The following H2BC12 variants were observed in gnomAD, a reference collection of about 807,000 sequenced individuals.
The protein encoded by H2BC12 is H2B clustered histone 12.
H2BC12 carries 6 observed loss-of-function variants against 6.3 expected under a neutral mutation model. That is an observed-to-expected ratio of 0.95 (90% CI 0.52 to 1.87). H2BC12 has a LOEUF of 1.87. Ranked by LOEUF, H2BC12 falls within the 40% of genes most tolerant of loss-of-function variation. The pLI, the probability that H2BC12 is intolerant of heterozygous loss-of-function variation, is 0.01. For synonymous variants in H2BC12, 132 were observed against 78.5 expected, an observed-to-expected ratio of 1.68 and a Z score of -3.60; for missense variants, 119 against 178.4, an observed-to-expected ratio of 0.67 and a Z score of 1.90.
the H2BC12 span, among the ~76,000 whole-genome samples, chr6:27,140,175 C>T: frequency 6.6e-6 from 1 of 152,106 alleles, no homozygotes; most frequent in Non-Finnish European, 1.5e-5. Context: ...ATATGTTTGC[C>T]TTTTAAATAC....
At chr6:27,144,221 G>T (rs1353001948), downstream of H2BC12, among the ~76,000 whole-genome samples, 2 of 152,120 alleles carry the variant, frequency 1.3e-5, no homozygotes, top group African/African-American at 4.8e-5. Flanking sequence ...TAGCACTTTA[G>T]GAGGCCGAGG....
chr6:27,145,725 T>TA (rs542566888), downstream of H2BC12, among the ~76,000 whole-genome samples: 209 of 152,312 alleles, frequency 1.4e-3, 8 homozygotes, highest in South Asian at 0.024. Context: ...GAACATGCCT[T>TA]AAAAACTAGT....
At chr6:27,143,330 C>T (rs6927247), downstream of H2BC12, among the ~76,000 whole-genome samples, 13,938 of 151,946 alleles carry the variant, frequency 0.092, 1,260 homozygotes, top group African/African-American at 0.23. Context: ...CCAGCCTTGG[C>T]GACAGAGTAA....
In H2BC12 at chr6:27,146,655, C is replaced by T. The variant is rs1562028854; in HGVS notation, c.144G>A (p.Gln48=). The T allele has an allele frequency of 2.5e-6, 4 of 1,614,266 alleles. No individual in the cohort carries two copies. The highest frequency in any genetic ancestry group is 1.1e-5 in the South Asian group (1 of 91,088). The change falls in exon 1 of 1, where the codon CAG becomes CAA. Residue 48 remains glutamine, a synonymous_variant. Transcript: ENST00000356950. The stretch of plus-strand genomic sequence containing the variant: ...AGGAGATGCCGGTGTCGGGGTGGAC[C>T]TGCTTCAGCACCTTGTACACGTATA... ...YSVYVYKVLK[Q]VHPDTGISSK...
Position 27,146,591 on chromosome 6 carries a change from T to C in H2BC12, c.208A>G (p.Ile70Val). 1.9e-6 allele frequency: 3 copies of C among 1,614,262 alleles called. No individual in the cohort carries two copies. The highest frequency in any genetic ancestry group is 2.5e-6 in the Non-Finnish European group (3 of 1,180,048). ...GCCTCACCCGCGATGCGTTCGAAGATGTCGTTGACGAAGGAGTTCATGATT... is the reference window on the plus strand; with the variant it reads ...GCCTCACCCGCGATGCGTTCGAAGACGTCGTTGACGAAGGAGTTCATGATT... ...MGIMNSFVND[I>V]FERIAGEASR... is the part of the protein sequence containing the mutation. Residue 70 changes from isoleucine to valine, a missense_variant, in exon 1 of 1, where the codon ATC (isoleucine) becomes GTC (valine). Ile to Val is a conservative substitution (Grantham distance 29). Transcript: ENST00000356950.
At position 27,146,801 on chromosome 6, in the gene H2BC12, T is replaced by C. The variant is rs1281253697; in HGVS notation, c.-3A>G. 4 of 1,613,712 alleles carry C rather than the reference T, an allele frequency of 2.5e-6. No homozygotes were observed. Among genetic ancestry groups the C allele is most frequent in the Non-Finnish European group, 2.5e-6 (3 of 1,179,808 alleles). On this transcript the variant is annotated 5_prime_UTR_variant, in exon 1 of 1. Transcript: ENST00000356950. ...GCGGACTTCGCTGGTTCCGGCATGT[T>C]GAAGGCGAACTACGAGCCTGAGACG...
rs760782971 is a variant in H2BC12, at chr6:27,146,463, C to A, written c.336G>T (p.Val112=). ...LLPGELAKHA[V]SEGTKAVTKY... is the part of the protein sequence containing the mutation. ...TGGTGACGGCCTTGGTGCCCTCGGACACGGCGTGCTTGGCCAACTCCCCGG... is the reference window on the plus strand; with the variant it reads ...TGGTGACGGCCTTGGTGCCCTCGGAAACGGCGTGCTTGGCCAACTCCCCGG... The change falls in exon 1 of 1, where the codon GTG becomes GTT. Residue 112 remains valine, a synonymous_variant. Coordinates refer to ENST00000356950, the MANE Select transcript of H2BC12 (RefSeq NM_001312653.2). 4 of 1,614,246 alleles carry A rather than the reference C, an allele frequency of 2.5e-6. No individual in the cohort carries two copies. The Admixed American group carries it at 6.7e-5, about 27-fold the overall frequency.
At position 27,146,500 on chromosome 6, in the gene H2BC12, C is replaced by A. The variant is rs1345458988; in HGVS notation, c.299G>T (p.Arg100Leu). The stretch of plus-strand genomic sequence containing the variant: ...GGCCAACTCCCCGGGCAGCAGCAGG[C>A]GCACGGCCGTCTGGATCTCCCTGGA... ...ITSREIQTAV[R>L]LLLPGELAKH... Residue 100 changes from arginine to leucine, a missense_variant, in exon 1 of 1, where the codon CGC becomes CTC. This residue lies in a region of H2BC12 where 69 missense variants were observed against 141.0 expected (regional missense o/e 0.49). Coordinates refer to ENST00000356950, the MANE Select transcript of H2BC12 (RefSeq NM_001312653.2). The A allele has an allele frequency of 1.2e-6, 2 of 1,614,112 alleles. No individual in the cohort carries two copies. The highest frequency in any genetic ancestry group is 8.5e-7 in the Non-Finnish European group (1 of 1,180,042).
the H2BC12 span, chr6:27,139,351 G>T: frequency 2.5e-6 from 4 of 1,613,862 alleles, no homozygotes; most frequent in African/African-American, 1.3e-5. Context: ...GGGGAAAGGG[G>T]GTGCCAAGCG....
At chr6:27,138,804 T>G in the H2BC12 span, 2 of 152,080 alleles carry the variant, frequency 1.3e-5, no homozygotes, top group African/African-American at 4.8e-5. Flanking sequence ...GGGGGATAAT[T>G]CTCCACCCCA....
At chr6:27,142,321 G>A (rs1262259310), downstream of H2BC12, among the ~76,000 whole-genome samples, 1 of 152,056 alleles carries the variant, frequency 6.6e-6, no homozygotes, top group Non-Finnish European at 1.5e-5. Context: ...CCCCCAGGCT[G>A]GAGTACAATG....
the H2BC12 span, chr6:27,139,564 G>A: frequency 6.2e-7 from 1 of 1,614,086 alleles, no homozygotes; most frequent in Non-Finnish European, 8.5e-7. Context: ...CACCGCCATG[G>A]ACGTGGTCTA....
the H2BC12 span, chr6:27,139,452 T>C: frequency 3.1e-6 from 5 of 1,614,102 alleles, no homozygotes; most frequent in Admixed American, 6.7e-5. Flanking sequence ...AGCGCATTTC[T>C]GGCCTCATCT....
In H2BC12 at chr6:27,146,834, G is replaced by A. The variant is rs900849435; in HGVS notation, c.-36C>T. 6.2e-6 allele frequency: 10 copies of A among 1,604,506 alleles called. No homozygotes were observed. The East Asian group carries it at 1.1e-4, about 18-fold the overall frequency. ...AACTACGAGCCTGAGACGAGCAGCA[G>A]ATCGAGAAAACGGGAAGTAATGGGA... On this transcript the variant is annotated 5_prime_UTR_variant, in exon 1 of 1. Transcript: ENST00000356950.
At chr6:27,142,626 T>TC (rs759580218), downstream of H2BC12, among the ~76,000 whole-genome samples, 758 of 135,070 alleles carry the variant, frequency 5.6e-3, 3 homozygotes, top group African/African-American at 0.02. Context: ...CGTATTACAT[T>TC]CCCCCCCTCC....
At chr6:27,139,913 C>T in the H2BC12 span, 1 of 419,562 alleles carries the variant, frequency 2.4e-6, no homozygotes, top group Non-Finnish European at 4.4e-6. Flanking sequence ...TTTAGAAAGC[C>T]AAGGGGTCTG....
chr6:27,141,693 C>A (rs1760008962), downstream of H2BC12, among the ~76,000 whole-genome samples: 1 of 152,112 alleles, frequency 6.6e-6, no homozygotes, highest in Non-Finnish European at 1.5e-5. Flanking sequence ...CTGAGAAAGT[C>A]GTTTTTATTT....
At chr6:27,138,542 T>G in the H2BC12 span, 1 of 152,248 alleles carries the variant, frequency 6.6e-6, no homozygotes, top group African/African-American at 2.4e-5. Context: ...CAGCTTTAGC[T>G]TGTGGAAAAG....
chr6:27,139,634 GC>G, the H2BC12 span: 1 of 1,597,164 alleles, frequency 6.3e-7, no homozygotes. Context: ...GCATTTTGAA[GC>G]CCAGTCATTC....
Sources: allele counts gnomAD v4.1 joint callset (sites outside exome capture counted in the v4.1 genomes callset), GRCh38; gene constraint gnomAD v4.1.1; regional missense constraint gnomAD v4.1.1; transcripts MANE v1.5; gene names NCBI Gene and HGNC (gene_info 2026-07-23, HGNC 2026-07-21).